The following CCDC60 variants were observed in gnomAD, a reference collection of about 807,000 sequenced individuals.
The protein encoded by CCDC60 is coiled-coil domain-containing protein 60.
A neutral mutation model predicts 63.5 loss-of-function variants in CCDC60; 54 were observed. The ratio of observed to expected loss-of-function variants is 0.85; its 90% confidence interval spans 0.68 to 1.07. The LOEUF is 1.07. Among genes scored for constraint, CCDC60 ranks in the 50% least tolerant of loss-of-function variants. The probability of loss-of-function intolerance (pLI) is 0.00; values close to 1 mark genes in which losing one functional copy is unlikely to be tolerated. For synonymous variants in CCDC60, 206 were observed against 238.8 expected (o/e 0.86, Z 1.27); for missense variants, 651 against 684.3 (o/e 0.95, Z 0.54).
intron 4 of CCDC60, among the ~76,000 whole-genome samples, chr12:119,482,920 C>T (rs139940433): frequency 3.3e-5 from 5 of 152,176 alleles, no homozygotes; most frequent in Admixed American, 3.3e-4. Context: ...TCTCTCAATA[C>T]CCAGCAAGCA....
chr12:119,446,908 A>C (rs1205622501), intron 2 of CCDC60, among the ~76,000 whole-genome samples: 1 of 152,192 alleles, frequency 6.6e-6, no homozygotes, highest in Non-Finnish European at 1.5e-5. Context: ...GCACATGATT[A>C]CAGGCAAGGA....
At chr12:119,400,047 CTTTTTT>C (rs550702095) in intron 1 of CCDC60, among the ~76,000 whole-genome samples, 1 of 131,808 alleles carries the variant, frequency 7.6e-6, no homozygotes, top group Non-Finnish European at 1.6e-5. Flanking sequence ...GGTTGGTTTC[CTTTTTT>C]TTTTTTTTTT....
intron 1 of CCDC60, among the ~76,000 whole-genome samples, chr12:119,407,505 C>G (rs1259223078): frequency 6.6e-6 from 1 of 152,152 alleles, no homozygotes; most frequent in Non-Finnish European, 1.5e-5. Flanking sequence ...GCACTCCAGT[C>G]TGGGTGACAG....
At chr12:119,383,563 G>C (rs930325481) in intron 1 of CCDC60, among the ~76,000 whole-genome samples, 2 of 152,220 alleles carry the variant, frequency 1.3e-5, no homozygotes, top group Non-Finnish European at 2.9e-5. Flanking sequence ...GGCTGTGTGC[G>C]AGAGCAGAAG....
chr12:119,372,453 A>G (rs1388993241), intron 1 of CCDC60, among the ~76,000 whole-genome samples: 5 of 152,206 alleles, frequency 3.3e-5, no homozygotes, highest in Non-Finnish European at 5.9e-5. Flanking sequence ...CCTAGTAACT[A>G]GGAACCACCC....
chr12:119,526,902 C>T (rs1446813392), intron 11 of CCDC60, among the ~76,000 whole-genome samples: 1 of 152,180 alleles, frequency 6.6e-6, no homozygotes, highest in Non-Finnish European at 1.5e-5. Flanking sequence ...CCAGCAATCC[C>T]ATTACTGGGT....
chr12:119,490,287 T>C (rs556117041), intron 5 of CCDC60, among the ~76,000 whole-genome samples: 11 of 152,230 alleles, frequency 7.2e-5, no homozygotes, highest in Admixed American at 2.0e-4. Context: ...GGGATAATTT[T>C]AAAACTACAG....
chr12:119,406,824 G>A (rs1431948264), intron 1 of CCDC60, among the ~76,000 whole-genome samples: 3 of 152,202 alleles, frequency 2.0e-5, no homozygotes, highest in Non-Finnish European at 4.4e-5. Flanking sequence ...CAGAGCACCA[G>A]AGGATGCAAT....
At chr12:119,362,445 T>C (rs1330005545) in intron 1 of CCDC60, among the ~76,000 whole-genome samples, 1 of 152,194 alleles carries the variant, frequency 6.6e-6, no homozygotes, top group Non-Finnish European at 1.5e-5. Flanking sequence ...CCACCACAGA[T>C]GTAACCAGTA....
At chr12:119,442,777 G>A (rs1284870067) in intron 2 of CCDC60, among the ~76,000 whole-genome samples, 1 of 152,182 alleles carries the variant, frequency 6.6e-6, no homozygotes, top group East Asian at 1.9e-4. Flanking sequence ...TAAGCATGCA[G>A]CTTTAAGACT....
At chr12:119,455,218 T>C (rs1950703613) in intron 2 of CCDC60, among the ~76,000 whole-genome samples, 1 of 152,244 alleles carries the variant, frequency 6.6e-6, no homozygotes, top group African/African-American at 2.4e-5. Context: ...GGCAAGTTGA[T>C]ACTTGGTAGG....
rs1256762072 is a variant in CCDC60 at position 119,335,249 on chromosome 12, T to C, written c.73T>C (p.Ser25Pro). Reference protein sequence around the residue: ...NSGAVRPFYASENLRQVPDKP... With the variant: ...NSGAVRPFYAPENLRQVPDKP... ...GGGGGCTGTCCGGCCCTTTTATGCC[T>C]CGGAGAACCTAAGGCAGGTAAGTCT... Residue 25 changes from serine (S) to proline (P), a missense_variant, in exon 1 of 14, where the codon TCG (serine) becomes CCG (proline). Coordinates refer to ENST00000327554, the MANE Select transcript of CCDC60 (RefSeq NM_178499.5). 15 of 1,603,046 alleles carry C rather than the reference T, an allele frequency of 9.4e-6. No individual in the cohort carries two copies. Among genetic ancestry groups the C allele is most frequent in the Non-Finnish European group, 1.3e-5 (15 of 1,175,386 alleles).
intron 5 of CCDC60, among the ~76,000 whole-genome samples, chr12:119,490,013 G>T (rs1209187070): frequency 6.6e-6 from 1 of 152,144 alleles, no homozygotes; most frequent in Non-Finnish European, 1.5e-5. Flanking sequence ...GGCCAGGATG[G>T]TCTCAATCTC....
chr12:119,346,772 T>TTCTC (rs748031979), intron 1 of CCDC60, among the ~76,000 whole-genome samples: 8 of 144,120 alleles, frequency 5.6e-5, no homozygotes, highest in South Asian at 4.5e-4. Flanking sequence ...AGACTCATCT[T>TTCTC]TCTCTTTCTT....
chr12:119,335,336 A>G (rs1259481628), intron 1 of CCDC60, 70 bp downstream of exon 1: 1 of 1,200,112 alleles, frequency 8.3e-7, no homozygotes, highest in East Asian at 2.4e-5. Flanking sequence ...GCTGGGTCAA[A>G]TGGTATTTCT....
At chr12:119,536,239 C>G (rs1953002191) in intron 13 of CCDC60, among the ~76,000 whole-genome samples, 1 of 151,976 alleles carries the variant, frequency 6.6e-6, no homozygotes, top group Admixed American at 6.6e-5. Context: ...AATTGCAACC[C>G]CTCCATTTTT....
intron 7 of CCDC60, among the ~76,000 whole-genome samples, chr12:119,515,238 G>A (rs11064819): frequency 0.13 from 20,000 of 152,224 alleles, 1,373 homozygotes; most frequent in East Asian, 0.23. Context: ...TAGGACTTCA[G>A]CATATCTTAG....
intron 1 of CCDC60, among the ~76,000 whole-genome samples, chr12:119,346,863 C>T (rs1955603148): frequency 6.9e-6 from 1 of 145,886 alleles, no homozygotes; most frequent in Admixed American, 7.1e-5. Context: ...CTTGCTCTGT[C>T]ACCGAGGCTG....
At chr12:119,370,062 C>G (rs1225533814) in intron 1 of CCDC60, among the ~76,000 whole-genome samples, 2 of 152,204 alleles carry the variant, frequency 1.3e-5, no homozygotes, top group African/African-American at 4.8e-5. Flanking sequence ...GCCAGACCAG[C>G]TTTGAGGCCG....
Sources: gnomAD v4.1 joint callset for allele counts (sites outside exome capture counted in the v4.1 genomes callset) on GRCh38, gnomAD v4.1.1 for gene constraint, MANE v1.5 for transcripts, NCBI Gene and HGNC (gene_info 2026-07-23, HGNC 2026-07-21) for gene names.